The following LCA5 variants were observed in gnomAD, a reference collection of about 807,000 sequenced individuals.
LCA5 encodes the protein lebercilin LCA5.
Under a neutral mutation model 53.0 loss-of-function variants are expected in LCA5, and 37 were observed. That is an observed-to-expected ratio of 0.70 (90% CI 0.54 to 0.92). LCA5 has a LOEUF of 0.92. Ranked by LOEUF, LCA5 falls within the 40% of genes least tolerant of loss-of-function variation. The pLI is 0.00. For synonymous variants in LCA5, 303 were observed against 282.9 expected (o/e 1.07, Z -0.71); for missense variants, 806 against 790.5 (o/e 1.02, Z -0.23).
intron 3 of LCA5, among the ~76,000 whole-genome samples, chr6:79,499,322 T>C (rs1036644548): frequency 3.3e-5 from 5 of 152,034 alleles, no homozygotes; most frequent in Non-Finnish European, 7.4e-5. Context: ...TTCTAAAATA[T>C]GTTTAAGTAA....
intron 3 of LCA5, among the ~76,000 whole-genome samples, chr6:79,507,546 A>G (rs1770302252): frequency 1.3e-5 from 2 of 152,152 alleles, no homozygotes; most frequent in African/African-American, 4.8e-5. Context: ...ATTGCATGGC[A>G]TATGTATATG....
Position 79,492,512 on chromosome 6 carries a change from G to C in LCA5, c.955+39C>G, listed in dbSNP as rs45529442. On this transcript the variant is annotated intron_variant, in intron 5 of 7. Transcript: ENST00000369846. ...ATTATTGTACTATCACTAAATAATAGCAATAATATCAGTTTTTGAACAATC... is the reference window on the plus strand; with the variant it reads ...ATTATTGTACTATCACTAAATAATACCAATAATATCAGTTTTTGAACAATC... 5,746 of 934,388 alleles carry C rather than the reference G, an allele frequency of 6.1e-3. 18 individuals are homozygous for C. The highest frequency in any genetic ancestry group is 7.9e-3 in the Non-Finnish European group (4,667 of 589,114). 57.9% of individuals were successfully genotyped at this position (934,388 alleles called of 1,614,324 possible). A position where few individuals can be genotyped will look rare whatever the true frequency, so the allele number is the denominator to read the frequency against.
At chr6:79,532,109 G>C (rs992176091) in intron 1 of LCA5, among the ~76,000 whole-genome samples, 1 of 152,108 alleles carries the variant, frequency 6.6e-6, no homozygotes, top group Non-Finnish European at 1.5e-5. Context: ...AATTACTCAT[G>C]ACTCAAATCT....
intron 7 of LCA5, chr6:79,488,195 A>G (rs1769728034): frequency 4.6e-6 from 1 of 215,292 alleles, no homozygotes; most frequent in Non-Finnish European, 9.1e-6. Flanking sequence ...AAGACTCTAC[A>G]CTTAAAAATA....
chr6:79,508,387 C>G (rs1337282013), intron 3 of LCA5, among the ~76,000 whole-genome samples: 1 of 152,078 alleles, frequency 6.6e-6, no homozygotes, highest in Non-Finnish European at 1.5e-5. Flanking sequence ...ACAAAATAAG[C>G]CTGTACCCAA....
At chr6:79,498,372 T>A (rs1770040504) in intron 3 of LCA5, among the ~76,000 whole-genome samples, 1 of 152,036 alleles carries the variant, frequency 6.6e-6, no homozygotes. Flanking sequence ...AATATTAATT[T>A]AAAAAATCCT....
At chr6:79,496,550 T>C (rs964424779) in intron 3 of LCA5, among the ~76,000 whole-genome samples, 1 of 152,196 alleles carries the variant, frequency 6.6e-6, no homozygotes, top group African/African-American at 2.4e-5. Flanking sequence ...AAACTCAAAA[T>C]AGTTTTGCTA....
chr6:79,495,057 G>T (rs1342436944), intron 3 of LCA5, among the ~76,000 whole-genome samples: 1 of 152,204 alleles, frequency 6.6e-6, no homozygotes, highest in Non-Finnish European at 1.5e-5. Flanking sequence ...ACAGCAGGAG[G>T]TGAGTGGCAG....
chr6:79,493,698 A>G lies in LCA5; in HGVS notation c.773T>C (p.Leu258Pro), dbSNP rs1316579572. The change falls in exon 4 of 8, where the codon CTT (leucine) becomes CCT (proline). Residue 258 changes from leucine to proline, a missense_variant. Physicochemically the swap from Leu to Pro is moderately conservative, Grantham distance 98 (BLOSUM62 -3). Transcript: ENST00000369846. ...LSTNSFQRQL[L>P]AERKRAYEAH... is the part of the protein sequence containing the mutation. Reference sequence around the variant, plus strand: ...CTCATATGCCCTTTTCCTTTCAGCAAGCAACTGTCGTTGGAAACTGTTAGT... The same window carrying G: ...CTCATATGCCCTTTTCCTTTCAGCAGGCAACTGTCGTTGGAAACTGTTAGT... The G allele has an allele frequency of 6.2e-7, 1 of 1,613,758 alleles. No individual in the cohort carries two copies. Among genetic ancestry groups the G allele is most frequent in the Non-Finnish European group, 8.5e-7 (1 of 1,179,764 alleles).
At chr6:79,504,725 G>A (rs1770231420) in intron 3 of LCA5, among the ~76,000 whole-genome samples, 2 of 151,580 alleles carry the variant, frequency 1.3e-5, no homozygotes, top group Non-Finnish European at 2.9e-5. Flanking sequence ...ATAAGGAAAG[G>A]GTTCATCATA....
intron 1 of LCA5, among the ~76,000 whole-genome samples, chr6:79,526,655 G>C (rs1333775825): frequency 1.3e-5 from 2 of 152,160 alleles, no homozygotes; most frequent in Non-Finnish European, 2.9e-5. Flanking sequence ...GGGAATTATG[G>C]AAAGTTTACA....
At chr6:79,515,824 G>A (rs1766420570) in intron 2 of LCA5, among the ~76,000 whole-genome samples, 2 of 151,942 alleles carry the variant, frequency 1.3e-5, no homozygotes, top group African/African-American at 4.8e-5. Context: ...TACTGATTTG[G>A]GATTCCAGCT....
At chr6:79,501,846 T>C (rs1770149641) in intron 3 of LCA5, among the ~76,000 whole-genome samples, 1 of 151,406 alleles carries the variant, frequency 6.6e-6, no homozygotes, top group Non-Finnish European at 1.5e-5. Context: ...TAGAGTTCTA[T>C]AACTGTATAT....
intron 1 of LCA5, among the ~76,000 whole-genome samples, chr6:79,523,227 A>T (rs1766678295): frequency 6.6e-6 from 1 of 152,178 alleles, no homozygotes; most frequent in African/African-American, 2.4e-5. Flanking sequence ...TGTATCTAAA[A>T]TCAACAATTC....
intron 2 of LCA5, among the ~76,000 whole-genome samples, chr6:79,516,680 A>T (rs1273504462): frequency 6.6e-6 from 1 of 151,948 alleles, no homozygotes; most frequent in Non-Finnish European, 1.5e-5. Flanking sequence ...ATTTTAAACC[A>T]TCAAGTGCTA....
At chr6:79,530,115 T>C (rs1766914250) in intron 1 of LCA5, among the ~76,000 whole-genome samples, 1 of 151,986 alleles carries the variant, frequency 6.6e-6, no homozygotes, top group African/African-American at 2.4e-5. Flanking sequence ...TAAAAATATA[T>C]ATATATAAAC....
At chr6:79,495,224 T>C (rs1489494705) in intron 3 of LCA5, among the ~76,000 whole-genome samples, 4 of 152,174 alleles carry the variant, frequency 2.6e-5, no homozygotes, top group African/African-American at 9.7e-5. Flanking sequence ...TCATCTGAGG[T>C]GGAACAGTTT....
At chr6:79,538,531 G>A (rs1163448268), upstream of LCA5, among the ~76,000 whole-genome samples, 1 of 152,160 alleles carries the variant, frequency 6.6e-6, no homozygotes, top group Non-Finnish European at 1.5e-5. Flanking sequence ...AATAAGATGA[G>A]TAATCCCTAA....
At chr6:79,512,015 C>A (rs2127678980) in intron 3 of LCA5, among the ~76,000 whole-genome samples, 2 of 152,184 alleles carry the variant, frequency 1.3e-5, no homozygotes, top group East Asian at 3.9e-4. Context: ...TGTTCTCTCT[C>A]TATATGTAGT....
Sources: gnomAD v4.1 joint callset for allele counts (sites outside exome capture counted in the v4.1 genomes callset) on GRCh38, gnomAD v4.1.1 for gene constraint, MANE v1.5 for transcripts, NCBI Gene and HGNC (gene_info 2026-07-23, HGNC 2026-07-21) for gene names.